ATP11B: variants seen among roughly 807,000 people sequenced by gnomAD.
ATP11B encodes the protein phospholipid-transporting ATPase IF.
In ATP11B, 81 loss-of-function variants were observed where a neutral mutation model predicts 157.8. The ratio of observed to expected loss-of-function variants is 0.51; its 90% CI spans 0.43 to 0.62. ATP11B has a LOEUF of 0.62. Among genes scored for constraint, ATP11B ranks in the 20% least tolerant of loss-of-function variants. The pLI, the probability that ATP11B is intolerant of heterozygous loss-of-function variation, is 0.00. For missense variants in ATP11B, 1,165 were observed against 1,402.2 expected (o/e 0.83, Z 2.70); for synonymous variants, 451 against 469.4 (o/e 0.96, Z 0.51).
chr3:182,887,627 T>C lies in ATP11B; in HGVS notation c.2757T>C (p.Cys919=). 1 of 1,612,636 alleles carries C rather than the reference T, an allele frequency of 6.2e-7. No individual in the cohort carries two copies. The highest frequency in any genetic ancestry group is 1.1e-5 in the South Asian group (1 of 90,844). ...TGTACCTGACTTTATACAATATTTG[T>C]TTTACTTCCCTACCTATTCTGATAT... is the stretch of plus-strand genomic sequence containing the variant. ...DSVYLTLYNI[C]FTSLPILIYS... The change falls in exon 24 of 30, where the codon TGT becomes TGC. Residue 919 remains cysteine, a synonymous_variant. Transcript: ENST00000323116.
intron 2 of ATP11B, among the ~76,000 whole-genome samples, chr3:182,822,708 CGTT>C (rs1313928831): frequency 6.6e-6 from 1 of 152,180 alleles, no homozygotes; most frequent in Non-Finnish European, 1.5e-5. Flanking sequence ...CTTCCACAAT[CGTT>C]GAACTAGTTT....
chr3:182,844,986 T>A (rs34277016), intron 8 of ATP11B, among the ~76,000 whole-genome samples: 1 of 112,096 alleles, frequency 8.9e-6, no homozygotes, highest in Admixed American at 8.3e-5. Context: ...GGCAGCCTTT[T>A]TTTTTTTATT....
chr3:182,916,969 A>C (rs927363899), intron 29 of ATP11B: 39 of 983,000 alleles, frequency 4.0e-5, no homozygotes, highest in Non-Finnish European at 4.3e-5. Context: ...TGGGTGCCCA[A>C]TATATGTCAG....
At chr3:182,820,659 A>T (rs1717279242) in intron 2 of ATP11B, among the ~76,000 whole-genome samples, 1 of 152,078 alleles carries the variant, frequency 6.6e-6, no homozygotes, top group Non-Finnish European at 1.5e-5. Context: ...ACAGAGTGAG[A>T]CCATGTCTCA....
At chr3:182,804,487 C>A (rs889687967) in intron 1 of ATP11B, among the ~76,000 whole-genome samples, 26 of 152,126 alleles carry the variant, frequency 1.7e-4, no homozygotes, top group African/African-American at 6.3e-4. Flanking sequence ...CTCGCCTTGG[C>A]CTCCCAAAGT....
At chr3:182,870,756 G>A (rs1015177276) in intron 17 of ATP11B, among the ~76,000 whole-genome samples, 2 of 149,476 alleles carry the variant, frequency 1.3e-5, no homozygotes, top group African/African-American at 2.5e-5. Flanking sequence ...AGCAGATCAC[G>A]AGGTCAGGAG....
At chr3:182,797,800 AAAAT>A (rs1227832618) in intron 1 of ATP11B, among the ~76,000 whole-genome samples, 2 of 152,234 alleles carry the variant, frequency 1.3e-5, no homozygotes, top group Non-Finnish European at 2.9e-5. Flanking sequence ...TAGGTAAAGT[AAAAT>A]AAATTTTTGG....
Position 182,918,181 on chromosome 3 carries a change from A to G in ATP11B, c.*77A>G. 6.3e-7 allele frequency: 1 copy of G among 1,576,948 alleles called. No individual in the cohort carries two copies. On this transcript the variant is annotated 3_prime_UTR_variant, in exon 30 of 30. Transcript: ENST00000323116. ...GTGTGATCACCCTGTTAATGGCCAC[A>G]CTAGCTCTGAAATTAATTTCCAAAA...
At chr3:182,901,308 C>T (rs1723945556) in intron 28 of ATP11B, among the ~76,000 whole-genome samples, 2 of 145,876 alleles carry the variant, frequency 1.4e-5, no homozygotes, top group Non-Finnish European at 1.5e-5. Context: ...GGTTGCAGTC[C>T]ACCCTAGGCG....
intron 1 of ATP11B, among the ~76,000 whole-genome samples, chr3:182,798,014 G>A (rs1191544251): frequency 6.6e-6 from 1 of 152,096 alleles, no homozygotes; most frequent in Non-Finnish European, 1.5e-5. Flanking sequence ...GTACTGACTT[G>A]TAGTCTCAGC....
intron 4 of ATP11B, among the ~76,000 whole-genome samples, chr3:182,830,185 T>C (rs1393373457): frequency 6.6e-6 from 1 of 152,066 alleles, no homozygotes; most frequent in Admixed American, 6.6e-5. Context: ...AATTAGGGTG[T>C]GGTAGCACAT....
Position 182,850,474 on chromosome 3 carries a change from A to AAAAAC in ATP11B, c.851+1932_851+1936dup, listed in dbSNP as rs1248730242. Among the ~76,000 whole-genome samples, 7 of 152,294 alleles carry AAAAAC rather than the reference A, an allele frequency of 4.6e-5. No individual in the cohort carries two copies. The South Asian group carries it at 8.3e-4, about 18-fold the overall frequency. On this transcript the variant is annotated intron_variant, in intron 10 of 29. Coordinates refer to ENST00000323116, the MANE Select transcript of ATP11B (RefSeq NM_014616.3). ...GGCAACAGAGCGAGACTCCATCTCAAAAAACAAAACAAAACAAAAAAAAAG... is the reference window on the plus strand; with the variant it reads ...GGCAACAGAGCGAGACTCCATCTCAAAAAACAAAACAAAACAAAACAAAAAAAAAG...
chr3:182,918,140 C>G lies in ATP11B; in HGVS notation c.*36C>G. 6.2e-7 allele frequency: 1 copy of G among 1,609,402 alleles called. No homozygotes were observed. The highest frequency in any genetic ancestry group is 8.5e-7 in the Non-Finnish European group (1 of 1,177,938). ...GTACTTTGTGGGAGCCAGTTCACCT[C>G]CTTTCCTAAAATTCAGTGTGATCAC... On this transcript the variant is annotated 3_prime_UTR_variant, in exon 30 of 30. Coordinates refer to ENST00000323116, the MANE Select transcript of ATP11B (RefSeq NM_014616.3).
intron 26 of ATP11B, among the ~76,000 whole-genome samples, chr3:182,896,998 A>C (rs1237891674): frequency 6.6e-6 from 1 of 152,118 alleles, no homozygotes; most frequent in Non-Finnish European, 1.5e-5. Flanking sequence ...AATCTCTAAA[A>C]ATTTTGCTTC....
At chr3:182,861,451 C>G (rs753059960) in intron 12 of ATP11B, among the ~76,000 whole-genome samples, 5 of 152,164 alleles carry the variant, frequency 3.3e-5, no homozygotes, top group Non-Finnish European at 7.3e-5. Context: ...TCAATAAATA[C>G]GGCACTTACC....
At chr3:182,820,449 CA>C in intron 2 of ATP11B, 73 bp downstream of exon 2, 8 of 1,022,788 alleles carry the variant, frequency 7.8e-6, no homozygotes, top group Non-Finnish European at 1.2e-5. Flanking sequence ...TTTGGGAGGC[CA>C]AGGCGAGAGG....
rs1316567248 is a variant in ATP11B at position 182,795,823 on chromosome 3, G to C, written c.27+2037G>C. On this transcript the variant is annotated intron_variant, in intron 1 of 29. Transcript: ENST00000323116. ...ACTGCACCAGAAATTATTCAACTCA[G>C]GTAAAAGCTAGTTTAGATTATACTT... 2.0e-5 allele frequency among the ~76,000 whole-genome samples: 3 copies of C among 152,164 alleles called. No individual in the cohort carries two copies. In the South Asian group the frequency reaches 6.2e-4, roughly 32 times the overall value.
chr3:182,861,687 C>G (rs1251315942), intron 12 of ATP11B, among the ~76,000 whole-genome samples: 1 of 152,160 alleles, frequency 6.6e-6, no homozygotes, highest in Non-Finnish European at 1.5e-5. Context: ...CTTATTGTAT[C>G]AGTTGCATTG....
At chr3:182,869,769 A>G (rs1721513336) in intron 17 of ATP11B, among the ~76,000 whole-genome samples, 1 of 152,262 alleles carries the variant, frequency 6.6e-6, no homozygotes, top group South Asian at 2.1e-4. Flanking sequence ...CACCCAAGAC[A>G]GCTGAAAACA....
Sources: allele counts gnomAD v4.1 joint callset (sites outside exome capture counted in the v4.1 genomes callset), GRCh38; gene constraint gnomAD v4.1.1; transcripts MANE v1.5; gene names NCBI Gene and HGNC (gene_info 2026-07-23, HGNC 2026-07-21).